KIAA1328: variants seen among roughly 807,000 people sequenced by gnomAD.
KIAA1328 encodes the protein protein hinderin.
KIAA1328 carries 52 observed loss-of-function variants against 68.1 expected under a neutral mutation model. The observed-to-expected ratio is 0.76, with a 90% CI of 0.61 to 0.96. The LOEUF (loss-of-function observed/expected upper bound fraction) is 0.96. KIAA1328 is among the 40% of genes least tolerant of loss of function. KIAA1328 has a pLI of 0.00. For synonymous variants in KIAA1328, 232 were observed against 239.4 expected (o/e 0.97, Z 0.28); for missense variants, 641 against 677.6 (o/e 0.95, Z 0.60).
chr18:37,040,989 CTA>C (rs1302478480), intron 6 of KIAA1328, among the ~76,000 whole-genome samples: 1 of 151,674 alleles, frequency 6.6e-6, no homozygotes, highest in Non-Finnish European at 1.5e-5. Context: ...TTTTTAAAGA[CTA>C]TTTTATATGT....
chr18:36,991,408 G>T (rs1216380599), intron 6 of KIAA1328, among the ~76,000 whole-genome samples: 1 of 152,038 alleles, frequency 6.6e-6, no homozygotes, highest in African/African-American at 2.4e-5. Flanking sequence ...TAAATATTAT[G>T]AATTCTGTTA....
intron 9 of KIAA1328, among the ~76,000 whole-genome samples, chr18:37,190,013 T>G (rs1188553439): frequency 6.6e-6 from 1 of 152,202 alleles, no homozygotes; most frequent in Non-Finnish European, 1.5e-5. Context: ...TAGATAAAGT[T>G]TTCCTAAGTT....
At chr18:36,984,077 A>G (rs1394837035) in intron 6 of KIAA1328, among the ~76,000 whole-genome samples, 1 of 152,130 alleles carries the variant, frequency 6.6e-6, no homozygotes, top group Non-Finnish European at 1.5e-5. Context: ...AACCTTTGGC[A>G]AACTGGAAAT....
At chr18:36,865,052 C>T (rs1159240180) in intron 4 of KIAA1328, among the ~76,000 whole-genome samples, 2 of 146,378 alleles carry the variant, frequency 1.4e-5, no homozygotes, top group East Asian at 2.0e-4. Context: ...GATTTTTTTT[C>T]ACTCTTATCT....
intron 9 of KIAA1328, among the ~76,000 whole-genome samples, chr18:37,181,993 TA>T (rs1466938602): frequency 2.0e-5 from 3 of 152,214 alleles, no homozygotes; most frequent in African/African-American, 4.8e-5. Context: ...CCATATGACA[TA>T]AATATCTTAT....
At chr18:37,138,882 A>T (rs1050947145) in intron 7 of KIAA1328, among the ~76,000 whole-genome samples, 1 of 151,390 alleles carries the variant, frequency 6.6e-6, no homozygotes, top group African/African-American at 2.4e-5. Context: ...TTATATTGAT[A>T]ATTTTGGAGT....
intron 4 of KIAA1328, among the ~76,000 whole-genome samples, chr18:36,866,388 T>G (rs974932819): frequency 3.3e-5 from 5 of 152,010 alleles, no homozygotes; most frequent in Non-Finnish European, 7.4e-5. Context: ...GATGCTCTCT[T>G]TATCCCCCTC....
intron 7 of KIAA1328, among the ~76,000 whole-genome samples, chr18:37,072,707 G>A (rs1027871405): frequency 1.3e-5 from 2 of 151,988 alleles, no homozygotes; most frequent in Admixed American, 6.6e-5. Context: ...TTATTACATA[G>A]GTATACGGGT....
At chr18:37,146,024 T>C (rs1009053585) in intron 7 of KIAA1328, among the ~76,000 whole-genome samples, 1 of 152,176 alleles carries the variant, frequency 6.6e-6, no homozygotes, top group African/African-American at 2.4e-5. Flanking sequence ...CTTTTTTTGT[T>C]TATTCATTGC....
In KIAA1328 at chr18:36,838,047, C is replaced by A. The variant is rs540835937; in HGVS notation, c.237+2671C>A. On this transcript the variant is annotated intron_variant, in intron 3 of 9. Coordinates refer to ENST00000280020, the MANE Select transcript of KIAA1328 (RefSeq NM_020776.3). ...AGTGTTTCCATAGGCATTATAGAAT[C>A]AGCAAATGTTTTATACTTTTTGATG... Among the ~76,000 whole-genome samples the A allele has an allele frequency of 4.6e-5, 7 of 152,268 alleles. No homozygotes were observed. The South Asian group carries it at 1.2e-3, about 27-fold the overall frequency.
intron 6 of KIAA1328, 110 bp from the exon 7 acceptor site, chr18:37,066,780 A>T: frequency 9.5e-7 from 1 of 1,052,376 alleles, no homozygotes; most frequent in Non-Finnish European, 1.4e-6. Context: ...TTTAAGACAA[A>T]ACAACAGCTT....
chr18:36,883,661 A>G (rs1382845606), intron 4 of KIAA1328, among the ~76,000 whole-genome samples: 3 of 152,158 alleles, frequency 2.0e-5, no homozygotes, highest in Admixed American at 2.0e-4. Flanking sequence ...TTGAAATCTG[A>G]AACACTTTTG....
intron 7 of KIAA1328, among the ~76,000 whole-genome samples, chr18:37,072,119 TC>T (rs2056556018): frequency 6.6e-6 from 1 of 152,186 alleles, no homozygotes; most frequent in South Asian, 2.1e-4. Flanking sequence ...CTATTGTTCT[TC>T]CTTTCTGATG....
At chr18:36,856,658 A>G (rs916396526) in intron 4 of KIAA1328, among the ~76,000 whole-genome samples, 1 of 152,164 alleles carries the variant, frequency 6.6e-6, no homozygotes, top group African/African-American at 2.4e-5. Context: ...GATAAATCCA[A>G]TATGTAAGCT....
At chr18:36,963,608 G>C (rs1310322290) in intron 6 of KIAA1328, among the ~76,000 whole-genome samples, 3 of 143,342 alleles carry the variant, frequency 2.1e-5, no homozygotes, top group Admixed American at 6.7e-5. Flanking sequence ...GCCCAATAAG[G>C]CTACTTCCTT....
At chr18:37,216,990 G>GTT (rs1219798631) in intron 9 of KIAA1328, among the ~76,000 whole-genome samples, 1 of 39,512 alleles carries the variant, frequency 2.5e-5, no homozygotes, top group African/African-American at 1.4e-4. Flanking sequence ...TTTTTTTTTT[G>GTT]TTTGTTTTTT....
At chr18:36,974,246 C>T (rs1568238355) in intron 6 of KIAA1328, among the ~76,000 whole-genome samples, 2 of 151,992 alleles carry the variant, frequency 1.3e-5, no homozygotes, top group Non-Finnish European at 2.9e-5. Context: ...GAAGTCTGGG[C>T]TTTTAGTGTA....
chr18:36,997,889 A>G (rs1002291299), intron 6 of KIAA1328, among the ~76,000 whole-genome samples: 12 of 152,146 alleles, frequency 7.9e-5, no homozygotes, highest in Non-Finnish European at 1.3e-4. Flanking sequence ...TACCACTACC[A>G]GAGCTGGGGA....
intron 4 of KIAA1328, among the ~76,000 whole-genome samples, chr18:36,858,190 AT>A (rs1249486384): frequency 6.6e-6 from 1 of 152,150 alleles, no homozygotes. Context: ...GTGATAATAG[AT>A]TAATACACTT....
Sources: allele counts gnomAD v4.1 joint callset (sites outside exome capture counted in the v4.1 genomes callset), GRCh38; gene constraint gnomAD v4.1.1; transcripts MANE v1.5; gene names NCBI Gene and HGNC (gene_info 2026-07-23, HGNC 2026-07-21).